PDLIM5: variants seen among roughly 807,000 people sequenced by gnomAD.
The protein encoded by PDLIM5 is PDZ and LIM domain 5.
Under a neutral mutation model 64.2 loss-of-function variants are expected in PDLIM5, and 34 were observed. The ratio of observed to expected loss-of-function variants is 0.53; its 90% CI spans 0.40 to 0.71. The LOEUF (loss-of-function observed/expected upper bound fraction) is 0.71. Ranked by LOEUF, PDLIM5 falls within the 30% of genes least tolerant of loss-of-function variation. The pLI, the probability that PDLIM5 is intolerant of heterozygous loss-of-function variation, is 0.00. For synonymous variants in PDLIM5, 253 were observed against 269.1 expected (o/e 0.94, Z 0.59); for missense variants, 683 against 733.6 (o/e 0.93, Z 0.80).
chr4:94,457,523 A>G lies in PDLIM5; in HGVS notation c.96+2139A>G, dbSNP rs566508153. Among the ~76,000 whole-genome samples, 37 of 152,318 alleles carry G rather than the reference A, an allele frequency of 2.4e-4. No individual in the cohort carries two copies. In the South Asian group the frequency reaches 7.5e-3, roughly 31 times the overall value. On this transcript the variant is annotated intron_variant, in intron 2 of 12. Transcript: ENST00000317968. ...ATATTTTAAATATTCTACTTTAATT[A>G]TCTAAAGAAAGTTATTAGTTTAAAT...
intron 2 of PDLIM5, among the ~76,000 whole-genome samples, chr4:94,492,311 C>G (rs554925039): frequency 6.6e-6 from 1 of 151,528 alleles, no homozygotes; most frequent in African/African-American, 2.4e-5. Flanking sequence ...CTCTCCCCAT[C>G]CTGTTTTCTC....
At chr4:94,568,989 C>T (rs545165848) in intron 3 of PDLIM5, among the ~76,000 whole-genome samples, 1 of 151,962 alleles carries the variant, frequency 6.6e-6, no homozygotes, top group Admixed American at 6.6e-5. Context: ...TTTTGGACTT[C>T]TTTTTTTTGG....
At chr4:94,478,772 C>G (rs1031955368) in intron 2 of PDLIM5, among the ~76,000 whole-genome samples, 3 of 151,810 alleles carry the variant, frequency 2.0e-5, no homozygotes, top group African/African-American at 7.3e-5. Context: ...AATGGTAGGC[C>G]GCTTGCTGAA....
intron 2 of PDLIM5, among the ~76,000 whole-genome samples, chr4:94,476,456 A>C (rs191703553): frequency 1.3e-5 from 2 of 152,206 alleles, no homozygotes; most frequent in Non-Finnish European, 2.9e-5. Flanking sequence ...TTGAAACTGC[A>C]TAGGAAACAA....
rs745414439 is a variant in PDLIM5, at chr4:94,562,807, G to C, written c.249-10544G>C. 4.4e-4 allele frequency among the ~76,000 whole-genome samples: 67 copies of C among 152,156 alleles called. 1 individual carries two copies. The highest frequency in any genetic ancestry group is 1.3e-4 in the Admixed American group (2 of 15,272). On this transcript the variant is annotated intron_variant, in intron 3 of 12. Coordinates refer to ENST00000317968, the MANE Select transcript of PDLIM5 (RefSeq NM_006457.5). The stretch of plus-strand genomic sequence containing the variant: ...CCTTTTGGTAAATTAGACATAATGT[G>C]TTGCTAATTGGCTGTGGTTTCAGTT...
chr4:94,467,654 C>G (rs1724494104), intron 2 of PDLIM5, among the ~76,000 whole-genome samples: 1 of 152,116 alleles, frequency 6.6e-6, no homozygotes, highest in South Asian at 2.1e-4. Flanking sequence ...TCCTTGTTTT[C>G]AATCCTAATC....
chr4:94,522,588 C>G (rs1729929678), intron 2 of PDLIM5, among the ~76,000 whole-genome samples: 1 of 152,108 alleles, frequency 6.6e-6, no homozygotes, highest in African/African-American at 2.4e-5. Context: ...GTTGGCCAGG[C>G]TGGTCTCAAA....
chr4:94,534,193 A>G (rs1328206682), intron 3 of PDLIM5, among the ~76,000 whole-genome samples: 1 of 152,210 alleles, frequency 6.6e-6, no homozygotes, highest in East Asian at 1.9e-4. Context: ...GGGTTAAGTC[A>G]GAAAGACAAA....
chr4:94,577,348 A>G (rs929923269), intron 5 of PDLIM5: 1 of 456,392 alleles, frequency 2.2e-6, no homozygotes. Context: ...TGGGGCTTTG[A>G]AAGAGAAGGT....
chr4:94,596,533 T>C (rs1198697079), intron 7 of PDLIM5, among the ~76,000 whole-genome samples: 1 of 151,932 alleles, frequency 6.6e-6, no homozygotes, highest in Non-Finnish European at 1.5e-5. Flanking sequence ...TCCTGCACTT[T>C]AGTTTTTTTT....
intron 2 of PDLIM5, among the ~76,000 whole-genome samples, chr4:94,511,368 G>A (rs1014483320): frequency 4.0e-5 from 6 of 151,676 alleles, no homozygotes; most frequent in African/African-American, 1.2e-4. Context: ...TATTTATCGG[G>A]TACCTGAGAT....
intron 9 of PDLIM5, among the ~76,000 whole-genome samples, chr4:94,653,885 C>A (rs1742021823): frequency 6.6e-6 from 1 of 152,036 alleles, no homozygotes; most frequent in South Asian, 2.1e-4. Flanking sequence ...TTCCTGTAGT[C>A]ATTTTGGAGG....
intron 7 of PDLIM5, among the ~76,000 whole-genome samples, chr4:94,611,404 CT>C (rs1296793532): frequency 6.6e-6 from 1 of 152,172 alleles, no homozygotes. Context: ...ACCTTTTAAC[CT>C]TTTGTGACAT....
chr4:94,626,406 G>C (rs1739700158), intron 8 of PDLIM5, among the ~76,000 whole-genome samples: 1 of 152,184 alleles, frequency 6.6e-6, no homozygotes, highest in African/African-American at 2.4e-5. Context: ...AAAGTCAAAA[G>C]AATTGTTTAG....
intron 3 of PDLIM5, among the ~76,000 whole-genome samples, chr4:94,568,440 A>G (rs1178518832): frequency 1.3e-5 from 2 of 152,052 alleles, no homozygotes; most frequent in Non-Finnish European, 2.9e-5. Context: ...CTGTAATGAA[A>G]TTTTTTCCAT....
At chr4:94,558,455 T>C (rs779808025) in intron 3 of PDLIM5, among the ~76,000 whole-genome samples, 7 of 152,196 alleles carry the variant, frequency 4.6e-5, no homozygotes, top group Non-Finnish European at 8.8e-5. Flanking sequence ...GGCAATAAAA[T>C]AGTAGTCAAC....
chr4:94,576,344 CT>C (rs1387344592), intron 5 of PDLIM5, among the ~76,000 whole-genome samples: 11 of 152,174 alleles, frequency 7.2e-5, no homozygotes, highest in Non-Finnish European at 1.5e-4. Flanking sequence ...AATCTTGAAT[CT>C]TTCTTCCTCA....
intron 9 of PDLIM5, among the ~76,000 whole-genome samples, chr4:94,649,520 C>G (rs1329531228): frequency 6.6e-6 from 1 of 152,088 alleles, no homozygotes; most frequent in Non-Finnish European, 1.5e-5. Context: ...TCTAACATGC[C>G]ATATATTTTA....
intron 2 of PDLIM5, among the ~76,000 whole-genome samples, chr4:94,515,577 C>T (rs1002227038): frequency 2.0e-5 from 3 of 152,186 alleles, no homozygotes; most frequent in African/African-American, 7.2e-5. Context: ...TCTGTTCTCA[C>T]ATTTCATTAA....
Sources: allele counts gnomAD v4.1 joint callset (sites outside exome capture counted in the v4.1 genomes callset), GRCh38; gene constraint gnomAD v4.1.1; transcripts MANE v1.5; gene names NCBI Gene and HGNC (gene_info 2026-07-23, HGNC 2026-07-21).